CCDC178: variants seen among roughly 807,000 people sequenced by gnomAD.
CCDC178 encodes coiled-coil domain-containing protein 178.
In CCDC178, 126 loss-of-function variants were observed where a neutral mutation model predicts 117.4. The ratio of observed to expected loss-of-function variants is 1.07; its 90% CI spans 0.93 to 1.24. The LOEUF (loss-of-function observed/expected upper bound fraction) is 1.24, where lower values mean the gene tolerates loss of function less well. CCDC178 is among the 50% of genes most tolerant of loss of function. The pLI, the probability that CCDC178 is intolerant of heterozygous loss-of-function variation, is 0.00. For synonymous variants in CCDC178, 283 were observed against 313.4 expected (o/e 0.90, Z 1.02); for missense variants, 1,030 against 986.9 (o/e 1.04, Z -0.59).
chr18:33,297,581 C>T (rs374410736), intron 11 of CCDC178, among the ~76,000 whole-genome samples: 79 of 152,102 alleles, frequency 5.2e-4, no homozygotes, highest in African/African-American at 1.7e-3. Context: ...TAGAGGAAAT[C>T]GATAAATTCC....
At chr18:33,042,648 C>T (rs372110186) in intron 21 of CCDC178, among the ~76,000 whole-genome samples, 32 of 151,718 alleles carry the variant, frequency 2.1e-4, no homozygotes, top group African/African-American at 7.7e-4. Flanking sequence ...TTTTAATTTC[C>T]CTTGGTGTGC....
At chr18:33,382,953 G>A (rs1459335332) in intron 5 of CCDC178, among the ~76,000 whole-genome samples, 1 of 152,192 alleles carries the variant, frequency 6.6e-6, no homozygotes, top group Admixed American at 6.5e-5. Context: ...ACAACAGTCT[G>A]GAGTTGCCCT....
chr18:33,342,280 T>C (rs922301156), intron 9 of CCDC178, among the ~76,000 whole-genome samples: 1 of 152,086 alleles, frequency 6.6e-6, no homozygotes, highest in Non-Finnish European at 1.5e-5. Flanking sequence ...AATAAATAAT[T>C]AACAATTGAA....
intron 2 of CCDC178, among the ~76,000 whole-genome samples, chr18:33,432,478 TACAC>T (rs56111462): frequency 0.21 from 30,119 of 143,040 alleles, 3,129 homozygotes; most frequent in Admixed American, 0.26. Context: ...GCCTTCTCCA[TACAC>T]ACACACACAC....
At chr18:33,261,855 T>C (rs2059755114) in intron 14 of CCDC178, among the ~76,000 whole-genome samples, 1 of 152,148 alleles carries the variant, frequency 6.6e-6, no homozygotes, top group African/African-American at 2.4e-5. Flanking sequence ...ATTTTTGACA[T>C]ATCTCTCTAT....
chr18:33,270,703 G>GT (rs1222658032), intron 12 of CCDC178, among the ~76,000 whole-genome samples: 4 of 151,480 alleles, frequency 2.6e-5, no homozygotes, highest in African/African-American at 9.7e-5. Context: ...GGATAAACCT[G>GT]TTCTATAAAA....
intron 21 of CCDC178, among the ~76,000 whole-genome samples, chr18:33,001,469 C>T (rs1034867505): frequency 3.3e-5 from 5 of 151,802 alleles, no homozygotes; most frequent in African/African-American, 7.3e-5. Context: ...GCCGAGATCA[C>T]GCCACTGCAC....
chr18:32,973,807 G>A (rs1568190889), intron 22 of CCDC178, among the ~76,000 whole-genome samples: 1 of 151,974 alleles, frequency 6.6e-6, no homozygotes, highest in Non-Finnish European at 1.5e-5. Context: ...CACAGAACAG[G>A]CATTCTAGTT....
intron 20 of CCDC178, among the ~76,000 whole-genome samples, chr18:33,194,642 G>A (rs1255940932): frequency 6.6e-6 from 1 of 151,848 alleles, no homozygotes; most frequent in East Asian, 1.9e-4. Flanking sequence ...ATGTCTTTTT[G>A]CTTTCTATGA....
chr18:33,085,792 T>C (rs1196731087), intron 21 of CCDC178, among the ~76,000 whole-genome samples: 1 of 152,048 alleles, frequency 6.6e-6, no homozygotes, highest in Non-Finnish European at 1.5e-5. Context: ...AGGTTTTCCA[T>C]TTTACCTTCA....
In CCDC178 at chr18:33,245,467, T is replaced by C. The variant is rs548557208; in HGVS notation, c.1410-39A>G. On this transcript the variant is annotated intron_variant, in intron 14 of 22. Transcript: ENST00000383096. Reference sequence around the variant, plus strand: ...GCAAAAATTAATATTATTGAGTATATAGTGAGACAAACATATTTAATAATA... The same window carrying C: ...GCAAAAATTAATATTATTGAGTATACAGTGAGACAAACATATTTAATAATA... The C allele has an allele frequency of 4.4e-6, 6 of 1,355,514 alleles. No homozygotes were observed. The African/African-American group carries it at 9.0e-5, about 20-fold the overall frequency. The allele number at this position is 1,355,514 out of a possible 1,614,324, so 84.0% of individuals were successfully genotyped here. A position where few individuals can be genotyped will look rare whatever the true frequency, so the allele number is the denominator to read the frequency against.
At chr18:33,363,906 CT>C (rs2063163453) in intron 6 of CCDC178, among the ~76,000 whole-genome samples, 1 of 152,076 alleles carries the variant, frequency 6.6e-6, no homozygotes, top group Non-Finnish European at 1.5e-5. Flanking sequence ...CCCATAGAAT[CT>C]TGTCTTCTGG....
chr18:33,206,450 A>G (rs1453423393), intron 20 of CCDC178, among the ~76,000 whole-genome samples: 1 of 152,090 alleles, frequency 6.6e-6, no homozygotes, highest in Non-Finnish European at 1.5e-5. Flanking sequence ...GTGGAAAAAC[A>G]AAATATAAAA....
chr18:33,402,639 A>G (rs2063724150), intron 3 of CCDC178, among the ~76,000 whole-genome samples: 1 of 152,276 alleles, frequency 6.6e-6, no homozygotes, highest in African/African-American at 2.4e-5. Flanking sequence ...TTCTAGAGAT[A>G]TCTTACATTT....
At chr18:33,069,074 G>T (rs577009396) in intron 21 of CCDC178, among the ~76,000 whole-genome samples, 119 of 152,114 alleles carry the variant, frequency 7.8e-4, no homozygotes, top group African/African-American at 2.8e-3. Context: ...GACATCCTAT[G>T]CTCATAGATT....
intron 11 of CCDC178, among the ~76,000 whole-genome samples, chr18:33,303,042 T>G (rs530176694): frequency 1.3e-5 from 2 of 152,184 alleles, no homozygotes; most frequent in Non-Finnish European, 2.9e-5. Context: ...CAGTAAATGT[T>G]TGTGATAATA....
intron 21 of CCDC178, among the ~76,000 whole-genome samples, chr18:33,083,104 T>C (rs1434253624): frequency 2.0e-4 from 31 of 152,200 alleles, no homozygotes; most frequent in Admixed American, 2.0e-3. Flanking sequence ...GTTAGAAATC[T>C]TTACATGTAT....
At chr18:33,109,788 T>A (rs954845116) in intron 20 of CCDC178, among the ~76,000 whole-genome samples, 1 of 151,564 alleles carries the variant, frequency 6.6e-6, no homozygotes, top group Non-Finnish European at 1.5e-5. Context: ...TTCATACTTT[T>A]TATGTGGCAA....
chr18:33,234,563 T>A (rs2059406134), intron 15 of CCDC178, among the ~76,000 whole-genome samples: 1 of 151,720 alleles, frequency 6.6e-6, no homozygotes, highest in Non-Finnish European at 1.5e-5. Context: ...TGTAGGGAAC[T>A]CTTAATTATT....
Sources: allele counts gnomAD v4.1 joint callset (sites outside exome capture counted in the v4.1 genomes callset), GRCh38; gene constraint gnomAD v4.1.1; transcripts MANE v1.5; gene names NCBI Gene and HGNC (gene_info 2026-07-23, HGNC 2026-07-21).